DLGAP2: variants seen among roughly 807,000 people sequenced by gnomAD.
The protein encoded by DLGAP2 is DLG associated protein 2.
A neutral mutation model predicts 100.3 loss-of-function variants in DLGAP2; 26 were observed. The observed-to-expected ratio is 0.26, with a 90% CI of 0.19 to 0.36. DLGAP2 has a LOEUF of 0.36. DLGAP2 is among the 10% of genes least tolerant of loss of function. The pLI, the probability that DLGAP2 is intolerant of heterozygous loss-of-function variation, is 1.00. For missense variants in DLGAP2, 1,858 were observed against 1,453.2 expected (o/e 1.28, Z -4.53); for synonymous variants, 886 against 630.1 (o/e 1.41, Z -6.08).
intron 7 of DLGAP2, 102 bp downstream of exon 7, chr8:1,626,989 C>T: frequency 7.1e-7 from 1 of 1,411,384 alleles, no homozygotes; most frequent in Non-Finnish European, 9.5e-7. Context: ...CCCTCCTGGT[C>T]AGCAGCACTT....
intron 2 of DLGAP2, among the ~76,000 whole-genome samples, chr8:987,711 T>C (rs1473266707): frequency 6.6e-6 from 1 of 151,862 alleles, no homozygotes; most frequent in Non-Finnish European, 1.5e-5. Context: ...GGTGGGTAAT[T>C]AGTCCAAGCC....
chr8:956,318 C>G (rs1419798972), intron 2 of DLGAP2, among the ~76,000 whole-genome samples: 1 of 152,168 alleles, frequency 6.6e-6, no homozygotes, highest in Non-Finnish European at 1.5e-5. Context: ...AAGGCCAGGC[C>G]TTGTTAGGAA....
intron 3 of DLGAP2, among the ~76,000 whole-genome samples, chr8:1,493,543 C>T (rs958797515): frequency 1.3e-5 from 2 of 152,188 alleles, no homozygotes; most frequent in Non-Finnish European, 2.9e-5. Context: ...CACACCTGAA[C>T]GTGTGTGGGA....
chr8:1,545,550 T>A (rs1801505941), intron 4 of DLGAP2, among the ~76,000 whole-genome samples: 1 of 152,240 alleles, frequency 6.6e-6, no homozygotes, highest in African/African-American at 2.4e-5. Flanking sequence ...CTACCTCATT[T>A]TCACAAAAAG....
intron 4 of DLGAP2, among the ~76,000 whole-genome samples, chr8:1,517,495 T>G (rs746449426): frequency 6.6e-6 from 1 of 151,870 alleles, no homozygotes; most frequent in Non-Finnish European, 1.5e-5. Flanking sequence ...CCTCGTTTCC[T>G]CCACCGAGCT....
At chr8:1,156,214 G>A (rs376314488) in intron 2 of DLGAP2, among the ~76,000 whole-genome samples, 3 of 152,142 alleles carry the variant, frequency 2.0e-5, no homozygotes, top group Non-Finnish European at 2.9e-5. Context: ...CGCCGGGAGC[G>A]GCCGCTTCAA....
chr8:956,438 A>G (rs779060686), intron 2 of DLGAP2, among the ~76,000 whole-genome samples: 1 of 152,176 alleles, frequency 6.6e-6, no homozygotes, highest in Admixed American at 6.5e-5. Flanking sequence ...TGGTGTGGCC[A>G]GTGAAGGCCA....
intron 1 of DLGAP2, among the ~76,000 whole-genome samples, chr8:904,886 C>T (rs1049922014): frequency 3.3e-5 from 5 of 152,192 alleles, no homozygotes; most frequent in African/African-American, 1.2e-4. Context: ...TTCTCCTCTG[C>T]GGCCTTCTGT....
At chr8:993,722 A>C (rs1210148649) in intron 2 of DLGAP2, among the ~76,000 whole-genome samples, 1 of 150,344 alleles carries the variant, frequency 6.7e-6, no homozygotes, top group African/African-American at 2.5e-5. Flanking sequence ...ATATTTCAAC[A>C]TAGTGGCCAG....
intron 2 of DLGAP2, chr8:1,002,153 G>A (rs1170906181): frequency 1.3e-5 from 2 of 152,160 alleles, no homozygotes; most frequent in Admixed American, 1.3e-4. Context: ...CACTGGCTGA[G>A]AACTCACAGC....
rs187049260 is a variant in DLGAP2, at chr8:772,482, C to T, written c.18+34657C>T. ...GGACTACAGGCACACACCACCGTGT[C>T]TGGCTAATTTTTGTATTTTTAGTAG... On this transcript the variant is annotated intron_variant, in intron 1 of 14. Transcript: ENST00000637795. 3.0e-3 allele frequency among the ~76,000 whole-genome samples: 454 copies of T among 152,072 alleles called. 4 individuals are homozygous for T. The highest frequency in any genetic ancestry group is 0.01 in the African/African-American group (422 of 41,462).
At chr8:1,449,735 G>C (rs1798084671) in intron 3 of DLGAP2, among the ~76,000 whole-genome samples, 1 of 152,186 alleles carries the variant, frequency 6.6e-6, no homozygotes, top group Non-Finnish European at 1.5e-5. Flanking sequence ...CTTGCTGTAA[G>C]GATGCAGGAT....
intron 12 of DLGAP2, among the ~76,000 whole-genome samples, chr8:1,681,675 AGTTCTCCCTGAACACAT>A (rs1388225847): frequency 6.6e-6 from 1 of 152,190 alleles, no homozygotes; most frequent in African/African-American, 2.4e-5. Context: ...TATCTAGACC[AGTTCTCCCTGAACACAT>A]ATGATATGTC....
chr8:1,299,271 G>A lies in DLGAP2; in HGVS notation c.106+40388G>A, dbSNP rs77921565. Among the ~76,000 whole-genome samples the A allele has an allele frequency of 7.2e-3, 1,092 of 152,314 alleles. 5 individuals carry two copies. The highest frequency in any genetic ancestry group is 0.011 in the Non-Finnish European group (779 of 68,018). On this transcript the variant is annotated intron_variant, in intron 3 of 14. Transcript: ENST00000637795. ...TGACCGTCCACAGAGGCCCCCACCC[G>A]AGGCCACCCAGGGTGCCGCATGGAT...
intron 3 of DLGAP2, among the ~76,000 whole-genome samples, chr8:1,407,335 C>A (rs1233127180): frequency 2.8e-5 from 2 of 70,810 alleles, no homozygotes; most frequent in Non-Finnish European, 5.5e-5. Context: ...TCCTTGTCCT[C>A]CAGAGTCGTG....
At chr8:923,733 CAG>C (rs1383604835) in intron 2 of DLGAP2, among the ~76,000 whole-genome samples, 1 of 152,124 alleles carries the variant, frequency 6.6e-6, no homozygotes, top group East Asian at 1.9e-4. Context: ...TATCAGATGT[CAG>C]GGGTCTGTTC....
At chr8:775,313 C>G (rs1192605772) in intron 1 of DLGAP2, among the ~76,000 whole-genome samples, 2 of 152,004 alleles carry the variant, frequency 1.3e-5, no homozygotes, top group Non-Finnish European at 2.9e-5. Flanking sequence ...AATTTGACTT[C>G]CTCTTTTCCT....
chr8:1,305,217 A>T (rs1800460145), intron 3 of DLGAP2, among the ~76,000 whole-genome samples: 1 of 152,180 alleles, frequency 6.6e-6, no homozygotes, highest in Admixed American at 6.5e-5. Context: ...TAAAAAATGA[A>T]AGTAGCATCT....
chr8:1,280,376 C>A (rs1272113410), intron 3 of DLGAP2, among the ~76,000 whole-genome samples: 8 of 152,152 alleles, frequency 5.3e-5, no homozygotes, highest in Admixed American at 2.6e-4. Flanking sequence ...TTCTGAAAAC[C>A]TACCTGCGTC....
Sources: allele counts gnomAD v4.1 joint callset (sites outside exome capture counted in the v4.1 genomes callset), GRCh38; gene constraint gnomAD v4.1.1; transcripts MANE v1.5; gene names NCBI Gene and HGNC (gene_info 2026-07-23, HGNC 2026-07-21).